BMAL2: variants seen among roughly 807,000 people sequenced by gnomAD.
BMAL2 encodes the protein basic helix-loop-helix ARNT-like protein 2.
At chr12:27,403,486 C>T in the BMAL2 span, 1 of 1,611,860 alleles carries the variant, frequency 6.2e-7, no homozygotes. Flanking sequence ...TGGAACAGTA[C>T]TTGGTGCTGG....
At chr12:27,341,679 C>G in the BMAL2 span, among the ~76,000 whole-genome samples, 9 of 152,192 alleles carry the variant, frequency 5.9e-5, no homozygotes, top group African/African-American at 2.2e-4. Context: ...ACTCTGTGCC[C>G]TTGATGTGGG....
At chr12:27,420,019 G>GCGCGCGCGCGCA in the BMAL2 span, among the ~76,000 whole-genome samples, 22 of 147,570 alleles carry the variant, frequency 1.5e-4, no homozygotes, top group African/African-American at 2.8e-4. Flanking sequence ...GTTTGCGCGT[G>GCGCGCGCGCGCA]CACACACACA....
At chr12:27,411,335 G>A in the BMAL2 span, among the ~76,000 whole-genome samples, 1 of 151,980 alleles carries the variant, frequency 6.6e-6, no homozygotes, top group Non-Finnish European at 1.5e-5. Context: ...CACAATAAAC[G>A]GCCAGGTGCA....
At chr12:27,399,348 TCA>T in the BMAL2 span, among the ~76,000 whole-genome samples, 1 of 152,180 alleles carries the variant, frequency 6.6e-6, no homozygotes, top group Non-Finnish European at 1.5e-5. Flanking sequence ...GACAGAGCAC[TCA>T]CTATCAGCAA....
chr12:27,362,945 A>G, the BMAL2 span, among the ~76,000 whole-genome samples: 61 of 152,160 alleles, frequency 4.0e-4, no homozygotes, highest in Non-Finnish European at 7.5e-4. Context: ...CTAAGACTAT[A>G]TGTGCACACC....
At chr12:27,342,557 A>G in the BMAL2 span, among the ~76,000 whole-genome samples, 1 of 152,378 alleles carries the variant, frequency 6.6e-6, no homozygotes, top group African/African-American at 2.4e-5. Flanking sequence ...GATTATCCAG[A>G]CTAATAATTG....
the BMAL2 span, among the ~76,000 whole-genome samples, chr12:27,357,451 C>A: frequency 7.6e-4 from 116 of 152,204 alleles, 2 homozygotes; most frequent in Middle Eastern, 3.4e-3. Flanking sequence ...CAAAAGCAAT[C>A]TACAAATCAA....
the BMAL2 span, among the ~76,000 whole-genome samples, chr12:27,416,830 C>T: frequency 2.6e-5 from 4 of 152,150 alleles, no homozygotes. Context: ...GGCATGGTGG[C>T]ACATGCCTGT....
the BMAL2 span, among the ~76,000 whole-genome samples, chr12:27,410,898 A>C: frequency 1.3e-5 from 2 of 152,098 alleles, no homozygotes; most frequent in Non-Finnish European, 2.9e-5. Flanking sequence ...TAATTGTATA[A>C]AAATTAAAAC....
At chr12:27,346,340 A>G in the BMAL2 span, among the ~76,000 whole-genome samples, 1 of 152,102 alleles carries the variant, frequency 6.6e-6, no homozygotes. Flanking sequence ...AGCTCACTGC[A>G]CCCTCTGCCT....
At chr12:27,359,699 T>TA in the BMAL2 span, among the ~76,000 whole-genome samples, 2 of 151,540 alleles carry the variant, frequency 1.3e-5, no homozygotes, top group Non-Finnish European at 2.9e-5. Context: ...AACAAAAACT[T>TA]ACTCTGTGTC....
chr12:27,382,449 T>C, the BMAL2 span, among the ~76,000 whole-genome samples: 17 of 152,294 alleles, frequency 1.1e-4, no homozygotes, highest in African/African-American at 4.1e-4. Context: ...GTGCGATGAA[T>C]GTTACAGCAG....
chr12:27,402,930 T>G, the BMAL2 span, among the ~76,000 whole-genome samples: 1 of 152,220 alleles, frequency 6.6e-6, no homozygotes, highest in African/African-American at 2.4e-5. Context: ...CACTTTTCTG[T>G]TATAATCTTG....
At chr12:27,359,461 C>T in the BMAL2 span, among the ~76,000 whole-genome samples, 1 of 152,150 alleles carries the variant, frequency 6.6e-6, no homozygotes, top group Non-Finnish European at 1.5e-5. Context: ...GGCTGAGGAT[C>T]GCTTGAGCCC....
chr12:27,348,844 G>T, the BMAL2 span, among the ~76,000 whole-genome samples: 1 of 152,038 alleles, frequency 6.6e-6, no homozygotes, highest in Admixed American at 6.6e-5. Flanking sequence ...AGCTGTGCCT[G>T]GTGAGGGAAA....
At chr12:27,418,657 T>A in the BMAL2 span, among the ~76,000 whole-genome samples, 498 of 151,638 alleles carry the variant, frequency 3.3e-3, 5 homozygotes, top group African/African-American at 0.011. Context: ...AAATTCTAAA[T>A]AACAATAATT....
chr12:27,344,448 G>A, the BMAL2 span, among the ~76,000 whole-genome samples: 1 of 152,202 alleles, frequency 6.6e-6, no homozygotes, highest in Non-Finnish European at 1.5e-5. Flanking sequence ...GAGATTAATT[G>A]CAAGGGATTG....
the BMAL2 span, among the ~76,000 whole-genome samples, chr12:27,366,830 A>C: frequency 7.9e-5 from 12 of 152,238 alleles, no homozygotes; most frequent in Non-Finnish European, 2.9e-5. Context: ...AAATAACTGG[A>C]CACAGCTACA....
chr12:27,412,811 A>G, the BMAL2 span, among the ~76,000 whole-genome samples: 1 of 152,112 alleles, frequency 6.6e-6, no homozygotes, highest in Non-Finnish European at 1.5e-5. Context: ...GATTAAATGT[A>G]AAGAGATCTT....
Sources: gnomAD v4.1 joint callset for allele counts (sites outside exome capture counted in the v4.1 genomes callset) on GRCh38, gnomAD v4.1.1 for gene constraint, MANE v1.5 for transcripts, NCBI Gene and HGNC (gene_info 2026-07-23, HGNC 2026-07-21) for gene names.